VTA1: variants seen among roughly 807,000 people sequenced by gnomAD.
The protein encoded by VTA1 is vacuolar protein sorting-associated protein VTA1 homolog.
In VTA1, 24 loss-of-function variants were observed where a neutral mutation model predicts 36.9. The observed-to-expected ratio is 0.65, with a 90% CI of 0.47 to 0.91. VTA1 has a LOEUF of 0.91. VTA1 is among the 40% of genes least tolerant of loss of function. VTA1 has a pLI of 0.00. For missense variants in VTA1, 393 were observed against 377.2 expected, an observed-to-expected ratio of 1.04 and a Z score of -0.35; for synonymous variants, 142 against 130.2, an observed-to-expected ratio of 1.09 and a Z score of -0.62.
At chr6:142,173,598 A>G (rs1480683637) in intron 4 of VTA1, among the ~76,000 whole-genome samples, 2 of 152,254 alleles carry the variant, frequency 1.3e-5, no homozygotes, top group African/African-American at 2.4e-5. Context: ...TATAACTGCT[A>G]ACAATGGTGA....
intron 4 of VTA1, among the ~76,000 whole-genome samples, chr6:142,183,980 AC>A (rs1208617508): frequency 3.3e-5 from 5 of 152,200 alleles, no homozygotes; most frequent in Non-Finnish European, 7.4e-5. Context: ...GACTGAAAGA[AC>A]CTTCTAAAGT....
At chr6:142,204,420 A>G (rs1775747245) in intron 7 of VTA1, among the ~76,000 whole-genome samples, 1 of 152,144 alleles carries the variant, frequency 6.6e-6, no homozygotes, top group South Asian at 2.1e-4. Context: ...GACTTTTCTT[A>G]TCTACACTGT....
At chr6:142,188,460 G>C (rs1194269061) in intron 4 of VTA1, among the ~76,000 whole-genome samples, 2 of 151,004 alleles carry the variant, frequency 1.3e-5, no homozygotes, top group African/African-American at 4.9e-5. Context: ...TGATCTGCCT[G>C]CCTCAGCCTC....
intron 5 of VTA1, 64 bp downstream of exon 5, chr6:142,189,598 C>CA: frequency 1.5e-6 from 2 of 1,331,610 alleles, no homozygotes. Flanking sequence ...GTAGATTACT[C>CA]AAAGTTTTTG....
chr6:142,184,289 TTAC>T (rs545896724), intron 4 of VTA1, among the ~76,000 whole-genome samples: 245 of 152,296 alleles, frequency 1.6e-3, no homozygotes, highest in African/African-American at 5.0e-3. Context: ...GTGGCTAACT[TTAC>T]TACTAAAACA....
chr6:142,210,105 T>A (rs536589222), intron 7 of VTA1, among the ~76,000 whole-genome samples: 4 of 152,140 alleles, frequency 2.6e-5, no homozygotes, highest in African/African-American at 9.7e-5. Flanking sequence ...AATCCTGATA[T>A]ACATTTATGC....
intron 4 of VTA1, among the ~76,000 whole-genome samples, chr6:142,179,337 T>C (rs1775181893): frequency 6.6e-6 from 1 of 152,068 alleles, no homozygotes; most frequent in Admixed American, 6.6e-5. Context: ...ATGCTAAACA[T>C]ACTCCCTTTT....
Position 142,219,649 on chromosome 6 carries a change from T to C in VTA1, c.*1006T>C, listed in dbSNP as rs919205464. On this transcript the variant is annotated 3_prime_UTR_variant, in exon 8 of 8. Transcript: ENST00000367630. ...TTTTATTTGCCTGCTAGGATTGTCT[T>C]TTTTAAAAGTCATTTTTATTTATAG... The C allele has an allele frequency of 6.6e-6, 1 of 152,226 alleles. No homozygotes were observed. The highest frequency in any genetic ancestry group is 2.4e-5 in the African/African-American group (1 of 41,462). The allele number at this position is 152,226 out of a possible 1,614,324, so 9.4% of individuals were successfully genotyped here.
At chr6:142,173,214 G>C (rs1205525397) in intron 4 of VTA1, among the ~76,000 whole-genome samples, 1 of 152,170 alleles carries the variant, frequency 6.6e-6, no homozygotes, top group Admixed American at 6.5e-5. Context: ...AAACCCTTCA[G>C]GTAAGTGGAT....
intron 4 of VTA1, among the ~76,000 whole-genome samples, chr6:142,183,146 A>G (rs756665493): frequency 2.6e-5 from 4 of 152,184 alleles, no homozygotes; most frequent in Non-Finnish European, 5.9e-5. Flanking sequence ...AAAAATCACA[A>G]TTACTTTCAC....
At chr6:142,212,952 G>C (rs1775931799) in intron 7 of VTA1, among the ~76,000 whole-genome samples, 1 of 152,068 alleles carries the variant, frequency 6.6e-6, no homozygotes, top group Admixed American at 6.5e-5. Context: ...TTCTGTTCTT[G>C]GCCCCTCCCA....
intron 6 of VTA1, among the ~76,000 whole-genome samples, chr6:142,199,937 T>C (rs1241755606): frequency 6.6e-6 from 1 of 152,170 alleles, no homozygotes; most frequent in Non-Finnish European, 1.5e-5. Flanking sequence ...TGTGGAATAA[T>C]GTAAGTGAAA....
intron 1 of VTA1, among the ~76,000 whole-genome samples, chr6:142,154,300 T>A (rs879143364): frequency 1.3e-5 from 2 of 152,082 alleles, no homozygotes; most frequent in Non-Finnish European, 2.9e-5. Context: ...CTCTGGAGAT[T>A]TATCCAAGTT....
intron 4 of VTA1, among the ~76,000 whole-genome samples, chr6:142,176,506 T>C (rs1422020184): frequency 6.6e-6 from 1 of 152,014 alleles, no homozygotes; most frequent in Non-Finnish European, 1.5e-5. Context: ...TGAATTATAG[T>C]GAGAAAACTG....
At chr6:142,189,904 C>T (rs1293906331) in intron 5 of VTA1, among the ~76,000 whole-genome samples, 8 of 152,058 alleles carry the variant, frequency 5.3e-5, no homozygotes, top group African/African-American at 1.2e-4. Context: ...CTACAGGCGC[C>T]TGCCACCACG....
intron 5 of VTA1, among the ~76,000 whole-genome samples, chr6:142,193,063 C>T (rs1254422760): frequency 1.3e-5 from 2 of 152,082 alleles, no homozygotes; most frequent in African/African-American, 4.8e-5. Context: ...ATAGATCACA[C>T]GTTGCATCTG....
At chr6:142,151,236 G>A (rs1778561839) in intron 1 of VTA1, among the ~76,000 whole-genome samples, 1 of 152,132 alleles carries the variant, frequency 6.6e-6, no homozygotes, top group African/African-American at 2.4e-5. Flanking sequence ...GGATGTGGAG[G>A]GACCACAGTG....
intron 1 of VTA1, among the ~76,000 whole-genome samples, chr6:142,161,090 C>CCT (rs1562256116): frequency 5.1e-5 from 7 of 137,184 alleles, no homozygotes; most frequent in African/African-American, 1.2e-4. Flanking sequence ...CCCCCCCCCC[C>CCT]TTTTTTTGGG....
intron 5 of VTA1, among the ~76,000 whole-genome samples, chr6:142,192,257 A>T (rs1160927826): frequency 6.6e-6 from 1 of 152,090 alleles, no homozygotes; most frequent in Non-Finnish European, 1.5e-5. Context: ...ATTAAATTAT[A>T]TAAAGGCTTT....
Sources: allele counts gnomAD v4.1 joint callset (sites outside exome capture counted in the v4.1 genomes callset), GRCh38; gene constraint gnomAD v4.1.1; transcripts MANE v1.5; gene names NCBI Gene and HGNC (gene_info 2026-07-23, HGNC 2026-07-21).